CFAP299: variants seen among roughly 807,000 people sequenced by gnomAD.
CFAP299 encodes the protein cilia- and flagella-associated protein 299.
A neutral mutation model predicts 27.0 loss-of-function variants in CFAP299; 21 were observed. That is an observed-to-expected ratio of 0.78 (90% CI 0.55 to 1.12). The LOEUF (loss-of-function observed/expected upper bound fraction) is 1.12, where lower values mean the gene tolerates loss of function less well. Among genes scored for constraint, CFAP299 ranks in the 50% most tolerant of loss-of-function variants. CFAP299 has a pLI of 0.00. For missense variants in CFAP299, 310 were observed against 276.6 expected (o/e 1.12, Z -0.86); for synonymous variants, 104 against 98.1 (o/e 1.06, Z -0.36).
At chr4:80,422,907 T>C (rs1727355478) in intron 2 of CFAP299, among the ~76,000 whole-genome samples, 1 of 152,220 alleles carries the variant, frequency 6.6e-6, no homozygotes, top group Non-Finnish European at 1.5e-5. Flanking sequence ...TAAACCTAGA[T>C]GGCATGGAGT....
chr4:80,653,736 A>C (rs1404670077), intron 3 of CFAP299, among the ~76,000 whole-genome samples: 1 of 152,200 alleles, frequency 6.6e-6, no homozygotes, highest in African/African-American at 2.4e-5. Flanking sequence ...TGAAGCATAC[A>C]ATACATTTTT....
intron 5 of CFAP299, among the ~76,000 whole-genome samples, chr4:80,955,982 G>A (rs550864838): frequency 1.3e-5 from 2 of 152,078 alleles, no homozygotes; most frequent in African/African-American, 4.8e-5. Context: ...CCAGCCTGGG[G>A]GAAAGAATGA....
At chr4:80,855,352 T>G in intron 3 of CFAP299, among the ~76,000 whole-genome samples, 1 of 152,046 alleles carries the variant, frequency 6.6e-6, no homozygotes, top group East Asian at 1.9e-4. Context: ...ACTGTTTATT[T>G]CTCCTTTATA....
chr4:80,491,023 A>G (rs1008571043), intron 2 of CFAP299, among the ~76,000 whole-genome samples: 7 of 151,856 alleles, frequency 4.6e-5, no homozygotes, highest in Admixed American at 3.9e-4. Context: ...ATTCTGCTTG[A>G]AAAAAAATGA....
chr4:80,336,011 G>C, intron 1 of CFAP299, 132 bp downstream of exon 1: 3 of 636,720 alleles, frequency 4.7e-6, no homozygotes, highest in South Asian at 3.6e-5. Context: ...TCGGGACCGC[G>C]ACACTAAAGC....
chr4:80,744,605 G>A (rs898097194), intron 3 of CFAP299, among the ~76,000 whole-genome samples: 5 of 150,986 alleles, frequency 3.3e-5, no homozygotes, highest in African/African-American at 4.9e-5. Context: ...AAGGTTGATC[G>A]CCGTGTTAAT....
intron 2 of CFAP299, among the ~76,000 whole-genome samples, chr4:80,578,662 C>T (rs1736004637): frequency 6.6e-6 from 1 of 152,088 alleles, no homozygotes; most frequent in Non-Finnish European, 1.5e-5. Flanking sequence ...TGCTTTAGAC[C>T]ACAAGTTTTA....
chr4:80,653,484 A>G (rs1740410196), intron 3 of CFAP299, among the ~76,000 whole-genome samples: 1 of 152,144 alleles, frequency 6.6e-6, no homozygotes, highest in African/African-American at 2.4e-5. Flanking sequence ...GGTGAACACT[A>G]TAGCATATTC....
At chr4:80,792,545 T>C (rs1415472241) in intron 3 of CFAP299, among the ~76,000 whole-genome samples, 1 of 152,136 alleles carries the variant, frequency 6.6e-6, no homozygotes, top group African/African-American at 2.4e-5. Flanking sequence ...TAATGGTATA[T>C]TTTAAGCTTG....
At chr4:80,774,029 C>T (rs1726375830) in intron 3 of CFAP299, among the ~76,000 whole-genome samples, 1 of 151,816 alleles carries the variant, frequency 6.6e-6, no homozygotes, top group Non-Finnish European at 1.5e-5. Flanking sequence ...GAACTTGTTA[C>T]AAAATTTTAG....
intron 3 of CFAP299, among the ~76,000 whole-genome samples, chr4:80,754,770 AG>A (rs1257983597): frequency 6.6e-6 from 1 of 152,160 alleles, no homozygotes; most frequent in East Asian, 1.9e-4. Flanking sequence ...TCTTCTTCCA[AG>A]GGTTCATTGG....
chr4:80,353,748 G>C (rs569634775), intron 1 of CFAP299, among the ~76,000 whole-genome samples: 40 of 152,092 alleles, frequency 2.6e-4, no homozygotes, highest in African/African-American at 7.5e-4. Flanking sequence ...AAAGGGCAGA[G>C]AAACTAATTA....
intron 2 of CFAP299, among the ~76,000 whole-genome samples, chr4:80,537,938 A>C (rs1391291472): frequency 6.6e-6 from 1 of 152,168 alleles, no homozygotes; most frequent in African/African-American, 2.4e-5. Context: ...AAAATGTATA[A>C]AATTTTTGTC....
intron 3 of CFAP299, among the ~76,000 whole-genome samples, chr4:80,720,982 AT>A (rs1722777446): frequency 6.6e-6 from 1 of 152,214 alleles, no homozygotes; most frequent in South Asian, 2.1e-4. Flanking sequence ...AGTGAAAAAT[AT>A]ACTGGATATA....
intron 3 of CFAP299, among the ~76,000 whole-genome samples, chr4:80,751,912 G>A (rs527245055): frequency 3.3e-5 from 5 of 152,250 alleles, no homozygotes; most frequent in African/African-American, 7.2e-5. Flanking sequence ...GGATATGGAC[G>A]GATGTATTTC....
chr4:80,647,555 C>T (rs1740085729), intron 3 of CFAP299, among the ~76,000 whole-genome samples: 1 of 152,116 alleles, frequency 6.6e-6, no homozygotes, highest in Non-Finnish European at 1.5e-5. Flanking sequence ...CTGAAACCCA[C>T]CGACTGTGCC....
rs139843199 is a variant in CFAP299 at position 80,370,523 on chromosome 4, G to A, written c.242+7639G>A. Among the ~76,000 whole-genome samples, 1,194 of 152,268 alleles carry A rather than the reference G, an allele frequency of 7.8e-3. 14 individuals carry two copies. Among genetic ancestry groups the A allele is most frequent in the African/African-American group, 0.027 (1,108 of 41,544 alleles). On this transcript the variant is annotated intron_variant, in intron 2 of 5. Transcript: ENST00000358105. ...AGCCTGTAAAATCAAAAACAAGTTA[G>A]TTACTTCCAGGATACAATGGGGGAT...
intron 3 of CFAP299, among the ~76,000 whole-genome samples, chr4:80,734,564 C>T (rs1204815832): frequency 6.6e-6 from 1 of 152,014 alleles, no homozygotes; most frequent in East Asian, 1.9e-4. Flanking sequence ...TGGAGAGTTT[C>T]CCCAGTGTTT....
chr4:80,510,063 T>A (rs573296772), intron 2 of CFAP299, among the ~76,000 whole-genome samples: 1 of 152,238 alleles, frequency 6.6e-6, no homozygotes, highest in African/African-American at 2.4e-5. Context: ...AAATTCTTAA[T>A]AATTTGAACA....
Sources: gnomAD v4.1 joint callset for allele counts (sites outside exome capture counted in the v4.1 genomes callset) on GRCh38, gnomAD v4.1.1 for gene constraint, MANE v1.5 for transcripts, NCBI Gene and HGNC (gene_info 2026-07-23, HGNC 2026-07-21) for gene names.